SLC60A2: variants seen among roughly 807,000 people sequenced by gnomAD.
The protein encoded by SLC60A2 is major facilitator superfamily domain containing 4B.
At chr6:111,266,378 C>A in the SLC60A2 span, 2 of 1,614,156 alleles carry the variant, frequency 1.2e-6, no homozygotes, top group Non-Finnish European at 1.7e-6. Flanking sequence ...GGTTGAACTC[C>A]ATCTTCTGGG....
At chr6:111,273,651 A>G in the SLC60A2 span, among the ~76,000 whole-genome samples, 1 of 152,100 alleles carries the variant, frequency 6.6e-6, no homozygotes, top group African/African-American at 2.4e-5. Flanking sequence ...TTTTCTGTCT[A>G]GATGATCTGT....
chr6:111,267,363 T>G, the SLC60A2 span: 3 of 389,408 alleles, frequency 7.7e-6, no homozygotes, highest in Non-Finnish European at 1.4e-5. Context: ...TGTGACTGAT[T>G]AGGAAATATT....
At chr6:111,273,451 G>C in the SLC60A2 span, among the ~76,000 whole-genome samples, 1 of 151,540 alleles carries the variant, frequency 6.6e-6, no homozygotes, top group Non-Finnish European at 1.5e-5. Context: ...AGCCAGAAAA[G>C]ATTCTTGATA....
the SLC60A2 span, among the ~76,000 whole-genome samples, chr6:111,273,511 T>G: frequency 0.044 from 6,627 of 149,476 alleles, 229 homozygotes; most frequent in Non-Finnish European, 0.064. Flanking sequence ...TTTTTTTTTT[T>G]TTGTTTAACA....
chr6:111,274,642 A>T, the SLC60A2 span, among the ~76,000 whole-genome samples: 2 of 151,972 alleles, frequency 1.3e-5, no homozygotes, highest in South Asian at 4.1e-4. Context: ...TTCTGTGGAG[A>T]TAAGTTTTCT....
At chr6:111,259,822 T>A in the SLC60A2 span, 2 of 1,115,412 alleles carry the variant, frequency 1.8e-6, no homozygotes, top group South Asian at 3.2e-5. Context: ...CTAATCTGAC[T>A]GGGCCTCAGT....
At chr6:111,259,618 A>G in the SLC60A2 span, 1 of 1,465,434 alleles carries the variant, frequency 6.8e-7, no homozygotes, top group Non-Finnish European at 9.2e-7. Flanking sequence ...GCCCCGGCGG[A>G]GAATGAGCCG....
At chr6:111,259,544 G>A in the SLC60A2 span, 1 of 644,892 alleles carries the variant, frequency 1.6e-6, no homozygotes, top group East Asian at 3.2e-5. Flanking sequence ...CCGAGCTGGA[G>A]TTAGAGGTGG....
the SLC60A2 span, chr6:111,264,007 A>G: frequency 1.6e-5 from 14 of 871,344 alleles, no homozygotes; most frequent in Middle Eastern, 2.2e-4. Context: ...AGTACAGCAG[A>G]TGATACTAAA....
At chr6:111,259,807 G>A in the SLC60A2 span, 5 of 1,358,308 alleles carry the variant, frequency 3.7e-6, no homozygotes, top group Non-Finnish European at 3.0e-6. Context: ...CCTTGGGCGC[G>A]TTACCTAATC....
the SLC60A2 span, chr6:111,259,832 T>A: frequency 4.2e-6 from 4 of 959,334 alleles, no homozygotes; most frequent in Non-Finnish European, 6.0e-6. Flanking sequence ...TGGGCCTCAG[T>A]TTCATCATCT....
the SLC60A2 span, among the ~76,000 whole-genome samples, chr6:111,272,898 C>T: frequency 2.0e-5 from 3 of 147,644 alleles, no homozygotes; most frequent in Non-Finnish European, 4.5e-5. Flanking sequence ...TGGCACAATT[C>T]CGGCTCACTG....
At chr6:111,266,621 A>G in the SLC60A2 span, 2 of 1,614,206 alleles carry the variant, frequency 1.2e-6, no homozygotes, top group Non-Finnish European at 1.7e-6. Flanking sequence ...TCCATGGGAA[A>G]TCTGCAGCAT....
chr6:111,277,043 G>T, the SLC60A2 span, among the ~76,000 whole-genome samples: 23,526 of 152,190 alleles, frequency 0.15, 1,997 homozygotes, highest in East Asian at 0.33. Flanking sequence ...CCTATGAAGG[G>T]GTTCCCTTTG....
the SLC60A2 span, among the ~76,000 whole-genome samples, chr6:111,264,642 G>T: frequency 0.012 from 1,756 of 152,036 alleles, 40 homozygotes; most frequent in African/African-American, 0.04. Context: ...CAAAAAATTA[G>T]CCGGGTGTGG....
the SLC60A2 span, among the ~76,000 whole-genome samples, chr6:111,271,775 T>TAAAAAAAAAAAAAAAAAAA: frequency 4.2e-4 from 8 of 18,850 alleles, 1 homozygote; most frequent in Non-Finnish European, 3.8e-4. Context: ...CCATCTCTAC[T>TAAAAAAAAAAAAAAAAAAA]AAAAAAAAAA....
chr6:111,271,793 A>AAAAAAAAAAG, the SLC60A2 span, among the ~76,000 whole-genome samples: 1 of 106,278 alleles, frequency 9.4e-6, no homozygotes, highest in Non-Finnish European at 2.1e-5. Context: ...AAAAAAAAAA[A>AAAAAAAAAAG]AAAAAAAAAA....
the SLC60A2 span, chr6:111,265,474 T>C: frequency 1.3e-6 from 1 of 769,236 alleles, no homozygotes; most frequent in Non-Finnish European, 1.6e-6. Flanking sequence ...CAACAGCAAG[T>C]ACAGAAAGCT....
At chr6:111,270,294 A>G in the SLC60A2 span, 1 of 152,182 alleles carries the variant, frequency 6.6e-6, no homozygotes, top group Non-Finnish European at 1.5e-5. Flanking sequence ...TCAAGGGTAG[A>G]GGCTAGAACA....
Sources: gnomAD v4.1 joint callset for allele counts (sites outside exome capture counted in the v4.1 genomes callset) on GRCh38, gnomAD v4.1.1 for gene constraint, MANE v1.5 for transcripts, NCBI Gene and HGNC (gene_info 2026-07-23, HGNC 2026-07-21) for gene names.